The following MICAL3 variants were observed in gnomAD, a reference collection of about 807,000 sequenced individuals.
MICAL3 encodes the protein [F-actin]-monooxygenase MICAL3.
Under a neutral mutation model 207.4 loss-of-function variants are expected in MICAL3, and 62 were observed. The observed-to-expected ratio is 0.30, with a 90% CI of 0.24 to 0.37. The LOEUF is 0.37. MICAL3 is among the 10% of genes least tolerant of loss of function. The pLI, the probability that MICAL3 is intolerant of heterozygous loss-of-function variation, is 1.00. For missense variants in MICAL3, 2,368 were observed against 2,635.6 expected (o/e 0.90, Z 2.22); for synonymous variants, 1,077 against 1,069.3 (o/e 1.01, Z -0.14).
chr22:18,010,283 T>A (rs370223958), intron 1 of MICAL3, among the ~76,000 whole-genome samples: 9,045 of 150,892 alleles, frequency 0.06, 379 homozygotes, highest in Non-Finnish European at 0.094. Context: ...TTCGCTCCCA[T>A]TTGAGATCAT....
At position 17,819,148 on chromosome 22, in the gene MICAL3, G is replaced by A. The variant is rs377228413; in HGVS notation, c.3532-19C>T. 4.8e-6 allele frequency: 7 copies of A among 1,454,358 alleles called. No homozygotes were observed. Among genetic ancestry groups the A allele is most frequent in the South Asian group, 1.6e-5 (1 of 60,932 alleles). 90.1% of individuals were successfully genotyped at this position (1,454,358 alleles called of 1,614,324 possible). ...GGGGCCCCTACAGGGAAGGAAGACA[G>A]AAGCCGCTGAGAAGGTGTGGGCTTT... On this transcript the variant is annotated intron_variant, in intron 25 of 31. Transcript: ENST00000441493.
chr22:17,970,489 G>T (rs951029237), intron 1 of MICAL3, among the ~76,000 whole-genome samples: 2 of 152,238 alleles, frequency 1.3e-5, no homozygotes, highest in African/African-American at 2.4e-5. Context: ...TCACGGCTGT[G>T]ACCGACTCAC....
rs141864499 is a variant in MICAL3, at chr22:17,848,212, C to G, written c.2606-6195G>C. On this transcript the variant is annotated intron_variant, in intron 19 of 31. Transcript: ENST00000441493. ...CTGATCCACAGTTCTCAGAAACTCA[C>G]AAAATCACCCTGGGAAACTGGGGTG... Among the ~76,000 whole-genome samples the G allele has an allele frequency of 2.8e-3, 433 of 152,338 alleles. 3 individuals are homozygous for G. The highest frequency in any genetic ancestry group is 9.9e-3 in the African/African-American group (411 of 41,578).
chr22:17,864,815 G>A, intron 19 of MICAL3, 84 bp downstream of exon 19: 1 of 1,613,916 alleles, frequency 6.2e-7, no homozygotes, highest in Non-Finnish European at 8.5e-7. Flanking sequence ...ATGTTGCTTT[G>A]GAGGTGCTGG....
At position 17,932,564 on chromosome 22, in the gene MICAL3, T is replaced by A. The variant is rs144182031; in HGVS notation, c.-74-25678A>T. On this transcript the variant is annotated intron_variant, in intron 1 of 31. Transcript: ENST00000441493. ...ACTATCAATGCTATGAAGAAACTGC[T>A]TCAATTAATGGGCAAAATAACCAGC... Among the ~76,000 whole-genome samples the A allele has an allele frequency of 4.0e-3, 612 of 152,284 alleles. 3 individuals carry two copies. The highest frequency in any genetic ancestry group is 0.014 in the African/African-American group (574 of 41,558).
intron 28 of MICAL3, among the ~76,000 whole-genome samples, chr22:17,809,237 G>A (rs575755894): frequency 1.5e-4 from 23 of 152,370 alleles, no homozygotes; most frequent in African/African-American, 4.8e-4. Context: ...TGTGGCAGGA[G>A]GGGCCTGAGT....
Position 17,791,069 on chromosome 22 carries a change from G to A in MICAL3, c.5753C>T (p.Ala1918Val). The change falls in exon 31 of 32, where the codon GCC (alanine) becomes GTC (valine). Residue 1918 changes from alanine (A) to valine (V), a missense_variant and splice_region_variant. Around this residue, in one of 4 missense-constraint regions of MICAL3, gnomAD observed 1,770 missense variants for 1,863.2 expected, o/e 0.95. Coordinates refer to ENST00000441493, the MANE Select transcript of MICAL3 (RefSeq NM_015241.3). ...VRYESELMIFARELELEDRQS... is the reference protein window; with the variant it reads ...VRYESELMIFVRELELEDRQS... Reference sequence around the variant, plus strand: ...CCGGTCTTCCAGCTCCAGCTCCCGGGCACTGAGGAGGCAGGGCAGGAGGGA... The same window carrying A: ...CCGGTCTTCCAGCTCCAGCTCCCGGACACTGAGGAGGCAGGGCAGGAGGGA... The A allele has an allele frequency of 6.2e-7, 1 of 1,611,068 alleles. No homozygotes were observed. The highest frequency in any genetic ancestry group is 8.5e-7 in the Non-Finnish European group (1 of 1,179,480).
intron 1 of MICAL3, among the ~76,000 whole-genome samples, chr22:17,964,838 G>C (rs1935071786): frequency 6.6e-6 from 1 of 152,212 alleles, no homozygotes; most frequent in Non-Finnish European, 1.5e-5. Context: ...GAATTGCTCA[G>C]CTGGGACACT....
chr22:17,827,185 C>T (rs5992868), intron 22 of MICAL3, among the ~76,000 whole-genome samples: 4 of 151,472 alleles, frequency 2.6e-5, no homozygotes, highest in African/African-American at 9.7e-5. Flanking sequence ...GGGCTGGAGA[C>T]GATGCTACTG....
At chr22:17,812,251 A>G (rs1160948809) in intron 27 of MICAL3, among the ~76,000 whole-genome samples, 1 of 152,254 alleles carries the variant, frequency 6.6e-6, no homozygotes, top group Non-Finnish European at 1.5e-5. Context: ...CCAGCCCCAC[A>G]GCGGCAGCTG....
At chr22:17,934,494 C>A (rs1022614552) in intron 1 of MICAL3, among the ~76,000 whole-genome samples, 9 of 152,148 alleles carry the variant, frequency 5.9e-5, no homozygotes, top group African/African-American at 2.2e-4. Context: ...AACCCACAGC[C>A]AATATCATAC....
At position 17,818,820 on chromosome 22, in the gene MICAL3, G is replaced by A. The variant is rs747674587; in HGVS notation, c.3841C>T (p.Arg1281Cys). The A allele has an allele frequency of 3.0e-5, 47 of 1,543,578 alleles. No individual in the cohort carries two copies. The highest frequency in any genetic ancestry group is 3.5e-4 in the Middle Eastern group (2 of 5,736). Residue 1281 changes from arginine (R) to cysteine (C), a missense_variant, in exon 26 of 32, where the codon CGC becomes TGC. This residue lies in a region of MICAL3 where 1,770 missense variants were observed against 1,863.2 expected (regional missense o/e 0.95). Transcript: ENST00000441493. ...TVPSPTQSPI[R>C]FQPAPAKTST... ...GTTTTGGCCGGGGCAGGCTGGAAGC[G>A]TATGGGGGACTGGGTAGGGGATGGG...
intron 1 of MICAL3, among the ~76,000 whole-genome samples, chr22:17,970,224 C>T (rs900550701): frequency 2.0e-5 from 3 of 152,220 alleles, no homozygotes; most frequent in Non-Finnish European, 4.4e-5. Context: ...CCTCCACTGT[C>T]CCCCGCCCAT....
intron 16 of MICAL3, among the ~76,000 whole-genome samples, chr22:17,883,406 C>G (rs1206180920): frequency 1.3e-5 from 2 of 152,216 alleles, no homozygotes; most frequent in Admixed American, 1.3e-4. Context: ...ACTCACCACT[C>G]CTCAGTATCT....
At chr22:17,972,236 C>CA (rs556428827) in intron 1 of MICAL3, among the ~76,000 whole-genome samples, 1 of 151,998 alleles carries the variant, frequency 6.6e-6, no homozygotes, top group East Asian at 1.9e-4. Flanking sequence ...AAACAAAAAA[C>CA]AAAAAAATCT....
chr22:17,848,891 A>C (rs1924920405), intron 19 of MICAL3, among the ~76,000 whole-genome samples: 1 of 152,336 alleles, frequency 6.6e-6, no homozygotes, highest in Admixed American at 6.5e-5. Flanking sequence ...GATGGGGCTC[A>C]CATTTTTATA....
Position 17,819,011 on chromosome 22 carries a change from T to C in MICAL3, c.3650A>G (p.Lys1217Arg). Residue 1217 changes from lysine to arginine, a missense_variant, in exon 26 of 32, where the codon AAA becomes AGA. Transcript: ENST00000441493. ...TGATCGGATGGGAGAGTGCACAGCT[T>C]TCAGATCCGAGGGGGCATCAGCTTT... is the stretch of plus-strand genomic sequence containing the variant. ...KPKADAPSDL[K>R]AVHSPIRSQP... is the part of the protein sequence containing the mutation. 6.2e-7 allele frequency: 1 copy of C among 1,608,244 alleles called. No homozygotes were observed. Among genetic ancestry groups the C allele is most frequent in the Non-Finnish European group, 8.5e-7 (1 of 1,177,288 alleles).
At chr22:17,994,364 C>T (rs1922044187) in intron 1 of MICAL3, among the ~76,000 whole-genome samples, 1 of 152,216 alleles carries the variant, frequency 6.6e-6, no homozygotes, top group African/African-American at 2.4e-5. Flanking sequence ...TGCTCCTCCT[C>T]TCTTGGCTTC....
intron 21 of MICAL3, among the ~76,000 whole-genome samples, chr22:17,829,112 A>G (rs968546447): frequency 1.3e-5 from 2 of 150,484 alleles, no homozygotes; most frequent in South Asian, 4.2e-4. Context: ...GCTGGTCTCT[A>G]TAGATGTTGC....
Sources: allele counts gnomAD v4.1 joint callset (sites outside exome capture counted in the v4.1 genomes callset), GRCh38; gene constraint gnomAD v4.1.1; regional missense constraint gnomAD v4.1.1; transcripts MANE v1.5; gene names NCBI Gene and HGNC (gene_info 2026-07-23, HGNC 2026-07-21).